The following CAMTA1 variants were observed in gnomAD, a reference collection of about 807,000 sequenced individuals.
CAMTA1 encodes the protein calmodulin binding transcription activator 1, also known as calmodulin-binding transcription activator 1.
CAMTA1 carries 27 observed loss-of-function variants against 170.9 expected under a neutral mutation model. The ratio of observed to expected loss-of-function variants is 0.16; its 90% confidence interval spans 0.12 to 0.22. CAMTA1 has a LOEUF of 0.22. Among genes scored for constraint, CAMTA1 ranks in the 10% least tolerant of loss-of-function variants. The pLI, the probability that CAMTA1 is intolerant of heterozygous loss-of-function variation, is 1.00. For synonymous variants in CAMTA1, 833 were observed against 891.5 expected, an observed-to-expected ratio of 0.93 and a Z score of 1.17; for missense variants, 1,619 against 2,217.2, an observed-to-expected ratio of 0.73 and a Z score of 5.42.
chr1:6,845,975 A>T (rs1168658232), intron 3 of CAMTA1, among the ~76,000 whole-genome samples: 2 of 152,334 alleles, frequency 1.3e-5, no homozygotes, highest in Admixed American at 6.5e-5. Context: ...AAGGCATGTC[A>T]TACATGGCAG....
intron 1 of CAMTA1, among the ~76,000 whole-genome samples, chr1:6,810,682 G>C (rs1022697402): frequency 6.6e-6 from 1 of 152,136 alleles, no homozygotes; most frequent in African/African-American, 2.4e-5. Context: ...GCGGACACCT[G>C]CAGTCCCAGC....
rs369504177 is a variant in CAMTA1, at chr1:7,661,372, T to G, written c.665-354T>G. On this transcript the variant is annotated intron_variant, in intron 7 of 22. Coordinates refer to ENST00000303635, the MANE Select transcript of CAMTA1 (RefSeq NM_015215.4). ...AAGTCCCTCAGCCTCCTGTCCACTC[T>G]CCTTCTGTCCTTGTTCCCTTTCTCT... Among the ~76,000 whole-genome samples the G allele has an allele frequency of 7.1e-4, 108 of 152,300 alleles. 3 individuals carry two copies. Among genetic ancestry groups the G allele is most frequent in the African/African-American group, 2.5e-3 (105 of 41,560 alleles).
rs1215483130 is a variant in CAMTA1, at chr1:7,286,846, C to T, written c.438+37220C>T. On this transcript the variant is annotated intron_variant, in intron 5 of 22. Coordinates refer to ENST00000303635, the MANE Select transcript of CAMTA1 (RefSeq NM_015215.4). The surrounding 1 kb of genome is among the most constrained non-coding windows in gnomAD (Gnocchi z 4.2). ...ATTTAACTTTCCTAAGCCTCAGTTT[C>T]CTCCTCTGAAAATGAGGACAGAGGT... Among the ~76,000 whole-genome samples the T allele has an allele frequency of 6.6e-6, 1 of 152,216 alleles. No homozygotes were observed. Among genetic ancestry groups the T allele is most frequent in the East Asian group, 1.9e-4 (1 of 5,186 alleles).
At chr1:6,903,631 G>A (rs909948443) in intron 3 of CAMTA1, among the ~76,000 whole-genome samples, 1 of 152,194 alleles carries the variant, frequency 6.6e-6, no homozygotes. Context: ...CAAGGAACAG[G>A]TGAGTAACCC....
chr1:6,854,452 T>G (rs1228473233), intron 3 of CAMTA1, among the ~76,000 whole-genome samples: 3 of 152,204 alleles, frequency 2.0e-5, no homozygotes, highest in Non-Finnish European at 4.4e-5. Flanking sequence ...AATGATGAAA[T>G]AGCCTAGTGA....
At chr1:7,709,453 TC>T (rs1393500650) in intron 11 of CAMTA1, among the ~76,000 whole-genome samples, 1 of 152,246 alleles carries the variant, frequency 6.6e-6, no homozygotes, top group African/African-American at 2.4e-5. Context: ...CCAAATGATT[TC>T]CCATGCAGGT....
intron 5 of CAMTA1, among the ~76,000 whole-genome samples, chr1:7,252,314 T>C (rs1666757512): frequency 6.6e-6 from 1 of 152,222 alleles, no homozygotes; most frequent in Non-Finnish European, 1.5e-5. Flanking sequence ...TTTGTCTTAA[T>C]TATTAGTGAG....
intron 6 of CAMTA1, among the ~76,000 whole-genome samples, chr1:7,548,357 G>C (rs2094729191): frequency 6.6e-6 from 1 of 152,188 alleles, no homozygotes; most frequent in Non-Finnish European, 1.5e-5. Flanking sequence ...TTCCCATGCA[G>C]GGTGCGCCTT....
intron 3 of CAMTA1, among the ~76,000 whole-genome samples, chr1:6,922,674 C>T (rs1247936799): frequency 6.6e-6 from 1 of 152,128 alleles, no homozygotes; most frequent in Non-Finnish European, 1.5e-5. Flanking sequence ...GGCATCCCTC[C>T]TGCCGAGTTC....
chr1:7,397,265 A>G (rs2149172586), intron 5 of CAMTA1, among the ~76,000 whole-genome samples: 1 of 152,018 alleles, frequency 6.6e-6, no homozygotes, highest in South Asian at 2.1e-4. Flanking sequence ...AAGTTTTCCA[A>G]TTTGTTGCCA....
intron 3 of CAMTA1, among the ~76,000 whole-genome samples, chr1:6,831,227 C>CT (rs1187956583): frequency 6.6e-6 from 1 of 152,134 alleles, no homozygotes; most frequent in South Asian, 2.1e-4. Context: ...TTAAGCCTGA[C>CT]TTTTATATTC....
At chr1:7,072,260 T>TTG (rs757214094) in intron 3 of CAMTA1, among the ~76,000 whole-genome samples, 7 of 152,180 alleles carry the variant, frequency 4.6e-5, no homozygotes, top group Non-Finnish European at 8.8e-5. Flanking sequence ...TGTGTGCTGG[T>TTG]TGGCTATTTC....
At chr1:6,836,917 T>C (rs1653407170) in intron 3 of CAMTA1, among the ~76,000 whole-genome samples, 1 of 151,110 alleles carries the variant, frequency 6.6e-6, no homozygotes, top group African/African-American at 2.4e-5. Flanking sequence ...CGAAATTCTG[T>C]GAGTAGCTCA....
chr1:7,423,129 C>T (rs1364469704), intron 5 of CAMTA1, among the ~76,000 whole-genome samples: 2 of 152,198 alleles, frequency 1.3e-5, no homozygotes, highest in African/African-American at 4.8e-5. Context: ...CCCTCACAGC[C>T]CCAGGTGGGG....
chr1:7,253,177 A>G (rs1666875824), intron 5 of CAMTA1, among the ~76,000 whole-genome samples: 1 of 152,192 alleles, frequency 6.6e-6, no homozygotes, highest in Non-Finnish European at 1.5e-5. Flanking sequence ...ATACAGATTT[A>G]TGCCAGCTTC....
intron 16 of CAMTA1, among the ~76,000 whole-genome samples, chr1:7,741,704 G>C (rs1465020073): frequency 6.6e-6 from 1 of 152,066 alleles, no homozygotes; most frequent in East Asian, 1.9e-4. Context: ...AGACCAGCCT[G>C]GCCAACATGG....
intron 11 of CAMTA1, among the ~76,000 whole-genome samples, chr1:7,692,732 C>T (rs574031574): frequency 6.6e-6 from 1 of 152,262 alleles, no homozygotes; most frequent in South Asian, 2.1e-4. Flanking sequence ...GCACCTCACC[C>T]CCAAACTGGG....
At chr1:6,838,384 C>T (rs941980069) in intron 3 of CAMTA1, among the ~76,000 whole-genome samples, 6 of 152,136 alleles carry the variant, frequency 3.9e-5, no homozygotes, top group African/African-American at 1.4e-4. Flanking sequence ...GGAATTCACT[C>T]CTGTCTAAGG....
At chr1:6,900,777 T>C (rs1479732164) in intron 3 of CAMTA1, among the ~76,000 whole-genome samples, 1 of 152,196 alleles carries the variant, frequency 6.6e-6, no homozygotes, top group Non-Finnish European at 1.5e-5. Context: ...TGAGAGAAAT[T>C]AAGAGAAGAT....
Sources: gnomAD v4.1 joint callset for allele counts (sites outside exome capture counted in the v4.1 genomes callset) on GRCh38, gnomAD v4.1.1 for gene constraint, Gnocchi (gnomAD v3.1) non-coding constraint, MANE v1.5 for transcripts, NCBI Gene and HGNC (gene_info 2026-07-23, HGNC 2026-07-21) for gene names.